The following KLF7 variants were observed in gnomAD, a reference collection of about 807,000 sequenced individuals.
KLF7 encodes Krueppel-like factor 7.
KLF7 carries 2 observed loss-of-function variants against 27.3 expected under a neutral mutation model. The observed-to-expected ratio is 0.07, with a 90% CI of 0.03 to 0.23. KLF7 has a LOEUF of 0.23. KLF7 is among the 10% of genes least tolerant of loss of function. The pLI is 1.00. For missense variants in KLF7, 221 were observed against 394.1 expected, an observed-to-expected ratio of 0.56 and a Z score of 3.72; for synonymous variants, 165 against 162.4, an observed-to-expected ratio of 1.02 and a Z score of -0.12.
chr2:207,160,796 T>C (rs1329695910), intron 1 of KLF7, among the ~76,000 whole-genome samples: 7 of 152,244 alleles, frequency 4.6e-5, no homozygotes, highest in Non-Finnish European at 7.3e-5. Flanking sequence ...CATTTATGTT[T>C]AGAATGGGCT....
At chr2:207,119,114 G>C (rs1431707187) in intron 2 of KLF7, among the ~76,000 whole-genome samples, 3 of 152,192 alleles carry the variant, frequency 2.0e-5, no homozygotes, top group Admixed American at 1.3e-4. Flanking sequence ...CCATGGTTTA[G>C]GTGACAGCAA....
chr2:207,152,329 G>A (rs2078270185), intron 1 of KLF7, among the ~76,000 whole-genome samples: 1 of 151,032 alleles, frequency 6.6e-6, no homozygotes, highest in East Asian at 1.9e-4. Context: ...TACTACAACT[G>A]ACCAGCTGGG....
intron 1 of KLF7, among the ~76,000 whole-genome samples, chr2:207,137,282 C>T (rs971298584): frequency 6.6e-6 from 1 of 152,194 alleles, no homozygotes; most frequent in African/African-American, 2.4e-5. Flanking sequence ...CCACTTCTAT[C>T]AGTCCTTACA....
intron 2 of KLF7, among the ~76,000 whole-genome samples, chr2:207,101,274 G>A (rs2076758637): frequency 6.6e-6 from 1 of 152,162 alleles, no homozygotes; most frequent in Non-Finnish European, 1.5e-5. Flanking sequence ...AAATGGAAAG[G>A]CTCTTCACGT....
At chr2:207,116,106 G>A (rs2077177185) in intron 2 of KLF7, among the ~76,000 whole-genome samples, 1 of 152,206 alleles carries the variant, frequency 6.6e-6, no homozygotes, top group Admixed American at 6.5e-5. Context: ...CTGCCTGCCT[G>A]GAAAGGGTTA....
intron 1 of KLF7, among the ~76,000 whole-genome samples, chr2:207,130,401 G>A (rs1230025543): frequency 6.6e-6 from 1 of 152,208 alleles, no homozygotes; most frequent in Non-Finnish European, 1.5e-5. Context: ...TTGGTGGGAT[G>A]TCTGGTTTAT....
At chr2:207,134,234 G>GTATA in intron 1 of KLF7, 1 of 950,712 alleles carries the variant, frequency 1.1e-6, no homozygotes, top group Non-Finnish European at 1.5e-6. Context: ...TCTCAGTTGG[G>GTATA]TTAATTAATA....
chr2:207,164,234 G>A (rs1284575072), intron 1 of KLF7, among the ~76,000 whole-genome samples: 1 of 152,218 alleles, frequency 6.6e-6, no homozygotes, highest in African/African-American at 2.4e-5. Context: ...CCCGGCAGAG[G>A]AAATTCAGCC....
chr2:207,110,791 A>G (rs2077016040), intron 2 of KLF7, among the ~76,000 whole-genome samples: 1 of 152,232 alleles, frequency 6.6e-6, no homozygotes, highest in Non-Finnish European at 1.5e-5. Flanking sequence ...AATATTGTTA[A>G]AGATCATAAA....
At chr2:207,135,100 C>T (rs1043184235) in intron 1 of KLF7, among the ~76,000 whole-genome samples, 4 of 152,146 alleles carry the variant, frequency 2.6e-5, no homozygotes, top group Admixed American at 2.6e-4. Context: ...AAGCAGGGGA[C>T]TCTGAGTTGG....
At chr2:207,102,485 T>C (rs2076790510) in intron 2 of KLF7, among the ~76,000 whole-genome samples, 1 of 152,246 alleles carries the variant, frequency 6.6e-6, no homozygotes, top group Middle Eastern at 3.2e-3. Context: ...CACTTCATAT[T>C]ACTCCAGTAA....
At chr2:207,099,648 T>C (rs1225136725) in intron 2 of KLF7, among the ~76,000 whole-genome samples, 1 of 143,840 alleles carries the variant, frequency 7.0e-6, no homozygotes, top group East Asian at 2.0e-4. Context: ...AAGATCTGCT[T>C]CTGGAAGCTA....
chr2:207,075,029 G>A lies in KLF7; in HGVS notation c.*6184C>T, dbSNP rs1238236333. 6.6e-6 allele frequency: 1 copy of A among 152,122 alleles called. No individual in the cohort carries two copies. Among genetic ancestry groups the A allele is most frequent in the African/African-American group, 2.4e-5 (1 of 41,434 alleles). 9.4% of individuals were successfully genotyped at this position (152,122 alleles called of 1,614,324 possible). ...TCACGAAGTATGTAAGTACCCACTT[G>A]CGTCTTTCGAAGATTTTTTTCCCCA... On this transcript the variant is annotated 3_prime_UTR_variant, in exon 4 of 4. Coordinates refer to ENST00000309446, the MANE Select transcript of KLF7 (RefSeq NM_003709.4).
At chr2:207,155,962 C>T (rs117831407) in intron 1 of KLF7, among the ~76,000 whole-genome samples, 1 of 152,308 alleles carries the variant, frequency 6.6e-6, no homozygotes, top group East Asian at 1.9e-4. Context: ...CCTGCTAACT[C>T]GGCTCTGGAA....
At chr2:207,145,605 G>A (rs902535820) in intron 1 of KLF7, among the ~76,000 whole-genome samples, 1 of 152,190 alleles carries the variant, frequency 6.6e-6, no homozygotes. Context: ...AATATTTTTG[G>A]GAAGATGAGT....
chr2:207,091,412 C>G (rs1053838958), intron 2 of KLF7, among the ~76,000 whole-genome samples: 12 of 152,158 alleles, frequency 7.9e-5, no homozygotes, highest in African/African-American at 2.9e-4. Context: ...AATCTTATCA[C>G]CTGACATTGT....
intron 2 of KLF7, among the ~76,000 whole-genome samples, chr2:207,122,207 G>A (rs571902438): frequency 1.3e-5 from 2 of 152,304 alleles, no homozygotes; most frequent in Middle Eastern, 3.4e-3. Context: ...ATGTGGAGTG[G>A]TGAACTGGAA....
intron 2 of KLF7, among the ~76,000 whole-genome samples, chr2:207,119,288 T>C (rs773593030): frequency 5.3e-5 from 8 of 152,256 alleles, no homozygotes; most frequent in Non-Finnish European, 7.3e-5. Flanking sequence ...CGTACCTTTA[T>C]ATGGATTTTC....
At chr2:207,107,140 T>G (rs1263117570) in intron 2 of KLF7, among the ~76,000 whole-genome samples, 1 of 152,086 alleles carries the variant, frequency 6.6e-6, no homozygotes, top group Non-Finnish European at 1.5e-5. Flanking sequence ...AAACAAAACT[T>G]CAGGGCATCT....
Sources: gnomAD v4.1 joint callset for allele counts (sites outside exome capture counted in the v4.1 genomes callset) on GRCh38, gnomAD v4.1.1 for gene constraint, MANE v1.5 for transcripts, NCBI Gene and HGNC (gene_info 2026-07-23, HGNC 2026-07-21) for gene names.